The following APBA3 variants were observed in gnomAD, a reference collection of about 807,000 sequenced individuals.
APBA3 encodes amyloid beta precursor protein binding family A member 3.
In APBA3, 45 loss-of-function variants were observed where a neutral mutation model predicts 55.9. That is an observed-to-expected ratio of 0.80 (90% CI 0.63 to 1.03). The LOEUF is 1.03. APBA3 is among the 50% of genes least tolerant of loss of function. The pLI, the probability that APBA3 is intolerant of heterozygous loss-of-function variation, is 0.00. For synonymous variants in APBA3, 370 were observed against 353.3 expected (o/e 1.05, Z -0.53); for missense variants, 865 against 820.3 (o/e 1.05, Z -0.67).
chr19:3,751,752 T>C (rs889465578), intron 8 of APBA3, 199 bp from the exon 9 acceptor site: 2 of 617,888 alleles, frequency 3.2e-6, no homozygotes, highest in East Asian at 3.1e-5. Flanking sequence ...ACCCGAGCCA[T>C]ATCGCTTCCT....
Position 3,752,542 on chromosome 19 carries a change from C to A in APBA3, c.1361G>T (p.Gly454Val). The change falls in exon 8 of 11, where the codon GGG (glycine) becomes GTG (valine). Residue 454 changes from glycine (G) to valine (V), a missense_variant. Coordinates refer to ENST00000316757, the MANE Select transcript of APBA3 (RefSeq NM_004886.4). ...LTAINGTSLV[G>V]LPLAACQAAV... ...GGCCTGGCACGCAGCCAGGGGCAGCCCCACCAGGCTGGTCCCGTTGATGGC... is the reference window on the plus strand; with the variant it reads ...GGCCTGGCACGCAGCCAGGGGCAGCACCACCAGGCTGGTCCCGTTGATGGC... 6.3e-7 allele frequency: 1 copy of A among 1,587,982 alleles called. No homozygotes were observed. Among genetic ancestry groups the A allele is most frequent in the Non-Finnish European group, 8.5e-7 (1 of 1,172,144 alleles).
rs2145714178 is a variant in APBA3, at chr19:3,751,177, C to T, written c.1656+12G>A. The T allele has an allele frequency of 6.4e-7, 1 of 1,553,124 alleles. No individual in the cohort carries two copies. Among genetic ancestry groups the T allele is most frequent in the South Asian group, 1.2e-5 (1 of 84,274 alleles). On this transcript the variant is annotated intron_variant, in intron 10 of 10. Coordinates refer to ENST00000316757, the MANE Select transcript of APBA3 (RefSeq NM_004886.4). Reference sequence around the variant, plus strand: ...TGGGGGCGCCCCTGGCCACCACCCACCACCCGCACACCTCGCCATAGGCCT... The same window carrying T: ...TGGGGGCGCCCCTGGCCACCACCCATCACCCGCACACCTCGCCATAGGCCT...
chr19:3,755,391 A>T (rs2037064331), intron 3 of APBA3: 2 of 152,274 alleles, frequency 1.3e-5, no homozygotes, highest in Admixed American at 1.3e-4. Flanking sequence ...ACCTTTGGCT[A>T]CACCAGGGAT....
At chr19:3,757,408 G>C (rs1393633243) in intron 3 of APBA3, among the ~76,000 whole-genome samples, 1 of 151,178 alleles carries the variant, frequency 6.6e-6, no homozygotes, top group Non-Finnish European at 1.5e-5. Flanking sequence ...TTCCCGGCCA[G>C]AACTTACTAT....
At chr19:3,760,396 A>C in intron 1 of APBA3, 95 bp from the exon 2 acceptor site, 1 of 754,724 alleles carries the variant, frequency 1.3e-6, no homozygotes, top group Middle Eastern at 3.7e-4. Context: ...GGGCTGACTG[A>C]ACCCAGGAGT....
At chr19:3,757,639 G>A (rs1002274669) in intron 3 of APBA3, among the ~76,000 whole-genome samples, 4 of 152,148 alleles carry the variant, frequency 2.6e-5, no homozygotes, top group Admixed American at 6.6e-5. Context: ...GGCTGAAGCA[G>A]GAGAATCACT....
At chr19:3,751,716 G>C (rs897275007) in intron 8 of APBA3, 163 bp from the exon 9 acceptor site, 1 of 824,192 alleles carries the variant, frequency 1.2e-6, no homozygotes, top group East Asian at 2.9e-5. Context: ...ACTCGGGCCC[G>C]GTGGGCATGG....
intron 3 of APBA3, among the ~76,000 whole-genome samples, chr19:3,758,433 C>T (rs1306595162): frequency 6.6e-6 from 1 of 151,442 alleles, no homozygotes; most frequent in Non-Finnish European, 1.5e-5. Flanking sequence ...TAACTTTAAA[C>T]ATTTTTTGTA....
chr19:3,754,455 C>G, intron 3 of APBA3, 115 bp from the exon 4 acceptor site: 1 of 1,378,198 alleles, frequency 7.3e-7, no homozygotes, highest in Non-Finnish European at 9.8e-7. Context: ...GGTGGCTTAG[C>G]ACTCTCCAGC....
Position 3,760,083 on chromosome 19 carries a change from A to G in APBA3, c.182T>C (p.Val61Ala). The G allele has an allele frequency of 6.2e-7, 1 of 1,613,380 alleles. No individual in the cohort carries two copies. The highest frequency in any genetic ancestry group is 8.5e-7 in the Non-Finnish European group (1 of 1,180,030). ...ELDESSLQEL[V>A]QQFEALPGDL... ...GCCTGGCAGAGCTTCAAACTGCTGC[A>G]CCAGCTCCTGAAGGCTTGACTCATC... Residue 61 changes from valine (V) to alanine (A), a missense_variant, in exon 2 of 11, where the codon GTG (valine) becomes GCG (alanine). Val to Ala is a moderately conservative substitution (Grantham distance 64). Coordinates refer to ENST00000316757, the MANE Select transcript of APBA3 (RefSeq NM_004886.4).
At chr19:3,760,324 T>A in intron 1 of APBA3, 23 bp from the exon 2 acceptor site, 1 of 1,473,294 alleles carries the variant, frequency 6.8e-7, no homozygotes, top group Non-Finnish European at 9.0e-7. Context: ...GAGTCAGCAC[T>A]GAGGTTTCGC....
Position 3,752,654 on chromosome 19 carries a change from G to C in APBA3, c.1249C>G (p.Leu417Val). The C allele has an allele frequency of 1.9e-6, 3 of 1,590,234 alleles. No homozygotes were observed. The highest frequency in any genetic ancestry group is 2.2e-5 in the South Asian group (2 of 89,520). The change falls in exon 8 of 11, where the codon CTG becomes GTG. Residue 417 changes from leucine (L) to valine (V), a missense_variant. By Grantham distance (32) the Leu-to-Val change is conservative. Transcript: ENST00000316757. ...TTGGCGATGACGGCTGTGGGCAGCA[G>C]GGAGCCCCAGCCCGACTCCACCAGG... is the stretch of plus-strand genomic sequence containing the variant. Reference protein sequence around the residue: ...VALVESGWGSLLPTAVIANLL... With the variant: ...VALVESGWGSVLPTAVIANLL...
Position 3,759,983 on chromosome 19 carries a change from C to A in APBA3, c.282G>T (p.Gln94His). The A allele has an allele frequency of 6.2e-7, 1 of 1,610,744 alleles. No homozygotes were observed. The highest frequency in any genetic ancestry group is 8.5e-7 in the Non-Finnish European group (1 of 1,179,246). The stretch of plus-strand genomic sequence containing the variant: ...GGAGCCCGTGGGCATCAGCAATCTC[C>A]TGGGAGGCCAGGCCATGGCCTGTGG... ...HIATGHGLAS[Q>H]EIADAHGLLS... Residue 94 changes from glutamine (Q) to histidine (H), a missense_variant, in exon 2 of 11, where the codon CAG (glutamine) becomes CAT (histidine). Transcript: ENST00000316757.
At position 3,752,997 on chromosome 19, in the gene APBA3, G is replaced by A. The variant is rs1448986100; in HGVS notation, c.1012-7C>T. 1.2e-6 allele frequency: 2 copies of A among 1,609,878 alleles called. No homozygotes were observed. Among genetic ancestry groups the A allele is most frequent in the Admixed American group, 1.7e-5 (1 of 59,958 alleles). ...CCTGGGCGATGAGCTGGGCCTGCGG[G>A]GAGGAGTGGCGCGTCCCTGGGGTGT... On this transcript the variant is annotated splice_polypyrimidine_tract_variant and splice_region_variant and intron_variant, in intron 6 of 10. Transcript: ENST00000316757.
At chr19:3,757,894 C>A (rs1435255056) in intron 3 of APBA3, among the ~76,000 whole-genome samples, 2 of 152,230 alleles carry the variant, frequency 1.3e-5, no homozygotes, top group Non-Finnish European at 2.9e-5. Flanking sequence ...AATAACCAAG[C>A]ATGATGTGTA....
At chr19:3,753,314 G>A (rs1232506989) in intron 6 of APBA3, 6 of 453,468 alleles carry the variant, frequency 1.3e-5, no homozygotes, top group South Asian at 6.8e-5. Context: ...GCCCAGGAGC[G>A]GGCAAGGTTT....
In APBA3 at chr19:3,751,494, G is replaced by A. The variant is rs369792298; in HGVS notation, c.1455C>T (p.Thr485=). ...LSIVHCPPVT[T]AIIHRPHARE... ...GGGCGTGGGGCCGGTGGATGATGGCGGTGGTGACGGGAGGGCAGTGGACGA... is the reference window on the plus strand; with the variant it reads ...GGGCGTGGGGCCGGTGGATGATGGCAGTGGTGACGGGAGGGCAGTGGACGA... Residue 485 remains threonine (T), a synonymous_variant, in exon 9 of 11, where the codon ACC becomes ACT. Transcript: ENST00000316757. 5.6e-5 allele frequency: 89 copies of A among 1,580,546 alleles called. 1 individual carries two copies. The highest frequency in any genetic ancestry group is 4.9e-4 in the South Asian group (43 of 87,004).
At chr19:3,751,740 T>A in intron 8 of APBA3, 187 bp from the exon 9 acceptor site, 1 of 674,594 alleles carries the variant, frequency 1.5e-6, no homozygotes, top group Non-Finnish European at 2.4e-6. Context: ...CGAAGCTGTC[T>A]GACCCGAGCC....
chr19:3,756,236 T>A (rs1200703852), intron 3 of APBA3: 1 of 152,118 alleles, frequency 6.6e-6, no homozygotes, highest in Non-Finnish European at 1.5e-5. Flanking sequence ...CCCAGCACTT[T>A]GGGAGGCAGA....
Sources: gnomAD v4.1 joint callset for allele counts (sites outside exome capture counted in the v4.1 genomes callset) on GRCh38, gnomAD v4.1.1 for gene constraint, MANE v1.5 for transcripts, NCBI Gene and HGNC (gene_info 2026-07-23, HGNC 2026-07-21) for gene names.